Variants in MYRIP observed in about 807,000 individuals in gnomAD.
MYRIP encodes the protein myosin VIIA and Rab interacting protein, also known as rab effector MyRIP.
A neutral mutation model predicts 98.0 loss-of-function variants in MYRIP; 49 were observed. The observed-to-expected ratio is 0.50, with a 90% CI of 0.40 to 0.63. MYRIP has a LOEUF of 0.63. Among genes scored for constraint, MYRIP ranks in the 30% least tolerant of loss-of-function variants. The probability of loss-of-function intolerance (pLI) is 0.00; values close to 1 mark genes in which losing one functional copy is unlikely to be tolerated. For synonymous variants in MYRIP, 404 were observed against 409.5 expected, an observed-to-expected ratio of 0.99 and a Z score of 0.16; for missense variants, 1,004 against 1,058.2, an observed-to-expected ratio of 0.95 and a Z score of 0.71.
intron 4 of MYRIP, among the ~76,000 whole-genome samples, chr3:40,160,702 C>T (rs975076287): frequency 4.0e-4 from 61 of 152,316 alleles, no homozygotes; most frequent in African/African-American, 1.0e-3. Context: ...CCTAGTGCGC[C>T]ATTTTTTAAG....
rs375658652 is a variant in MYRIP at position 40,258,207 on chromosome 3, C to T, written c.*41C>T. The T allele has an allele frequency of 1.5e-5, 24 of 1,612,926 alleles. No homozygotes were observed. Among genetic ancestry groups the T allele is most frequent in the Middle Eastern group, 1.6e-4 (1 of 6,080 alleles). Reference sequence around the variant, plus strand: ...CTGCCAGTGACCCACTGCCTCCGGCCGTACACGACAGTGCCTTGACCCAAC... The same window carrying T: ...CTGCCAGTGACCCACTGCCTCCGGCTGTACACGACAGTGCCTTGACCCAAC... On this transcript the variant is annotated 3_prime_UTR_variant, in exon 17 of 17. Coordinates refer to ENST00000302541, the MANE Select transcript of MYRIP (RefSeq NM_015460.4).
chr3:40,192,079 C>A (rs1951227453), intron 10 of MYRIP, among the ~76,000 whole-genome samples: 1 of 151,038 alleles, frequency 6.6e-6, no homozygotes, highest in African/African-American at 2.4e-5. Context: ...TGCTGCACTT[C>A]CAGAGACATC....
chr3:40,018,677 C>T (rs1466705171), intron 2 of MYRIP, among the ~76,000 whole-genome samples: 2 of 152,168 alleles, frequency 1.3e-5, no homozygotes, highest in East Asian at 1.9e-4. Context: ...CAGCATTGGC[C>T]CTTGTCCCCT....
chr3:40,229,886 G>A (rs1309294890), intron 11 of MYRIP, among the ~76,000 whole-genome samples: 1 of 152,180 alleles, frequency 6.6e-6, no homozygotes, highest in Non-Finnish European at 1.5e-5. Flanking sequence ...TGGGTTAACA[G>A]CTCAAAGTTC....
intron 1 of MYRIP, among the ~76,000 whole-genome samples, chr3:39,815,503 C>T (rs1476864936): frequency 6.6e-6 from 1 of 151,988 alleles, no homozygotes; most frequent in African/African-American, 2.4e-5. Context: ...TGAATGGGAT[C>T]ATCTCTCCTC....
intron 2 of MYRIP, among the ~76,000 whole-genome samples, chr3:40,031,537 G>C (rs1158509349): frequency 3.3e-5 from 5 of 152,108 alleles, no homozygotes; most frequent in Non-Finnish European, 7.4e-5. Context: ...CCTGCTTAGA[G>C]TTTGGTCTTG....
At position 39,973,728 on chromosome 3, in the gene MYRIP, A is replaced by G. The variant is rs781397806; in HGVS notation, c.111-70322A>G. Among the ~76,000 whole-genome samples the G allele has an allele frequency of 5.4e-4, 83 of 152,338 alleles. 1 individual carries two copies. Among genetic ancestry groups the G allele is most frequent in the Non-Finnish European group, 9.8e-4 (67 of 68,026 alleles). The stretch of plus-strand genomic sequence containing the variant: ...TCAGACCGCAGTGCAATCAAACTAG[A>G]ACTCAGGATTAAGAAACTCATTCAA... On this transcript the variant is annotated intron_variant, in intron 2 of 16. Transcript: ENST00000302541.
chr3:39,827,011 C>G (rs1289926895), intron 1 of MYRIP, among the ~76,000 whole-genome samples: 17 of 152,254 alleles, frequency 1.1e-4, no homozygotes, highest in Non-Finnish European at 4.4e-5. Flanking sequence ...AAGGGAATAT[C>G]TTTTTTCACC....
In MYRIP at chr3:40,118,751, C is replaced by G. The variant is rs553427424; in HGVS notation, c.333-32297C>G. Among the ~76,000 whole-genome samples the G allele has an allele frequency of 7.2e-5, 11 of 151,998 alleles. No homozygotes were observed. The East Asian group carries it at 1.2e-3, about 16-fold the overall frequency. ...ATATCTCCTAATGCTATCCCTCCCC[C>G]CTCCTCCCGCCCCACAACAGGCCCT... On this transcript the variant is annotated intron_variant, in intron 3 of 16. Transcript: ENST00000302541.
At chr3:39,876,938 T>C (rs896370283) in intron 1 of MYRIP, among the ~76,000 whole-genome samples, 2 of 152,234 alleles carry the variant, frequency 1.3e-5, no homozygotes, top group African/African-American at 4.8e-5. Flanking sequence ...GCAGAGTGTT[T>C]TCCAACTTGG....
intron 9 of MYRIP, among the ~76,000 whole-genome samples, chr3:40,187,774 G>A (rs1482725123): frequency 6.6e-6 from 1 of 152,204 alleles, no homozygotes; most frequent in Non-Finnish European, 1.5e-5. Flanking sequence ...ACACATGGAA[G>A]AACGTGGAAT....
chr3:40,050,070 C>A (rs75795567), intron 3 of MYRIP, among the ~76,000 whole-genome samples: 4,726 of 152,262 alleles, frequency 0.031, 107 homozygotes, highest in Admixed American at 0.058. Context: ...CAAGGTGAAG[C>A]AGCAAGTGCT....
chr3:40,177,975 T>A (rs138130543), intron 8 of MYRIP, among the ~76,000 whole-genome samples: 180 of 152,316 alleles, frequency 1.2e-3, no homozygotes, highest in Non-Finnish European at 2.1e-3. Flanking sequence ...TTAAAGTACT[T>A]TTTGTCATTG....
At chr3:39,852,724 C>T (rs1324303367) in intron 1 of MYRIP, among the ~76,000 whole-genome samples, 1 of 152,032 alleles carries the variant, frequency 6.6e-6, no homozygotes, top group Non-Finnish European at 1.5e-5. Context: ...CTTCTCTCCT[C>T]TCCTCTCCTG....
chr3:39,897,818 G>T (rs1367735619), intron 1 of MYRIP, among the ~76,000 whole-genome samples: 1 of 136,516 alleles, frequency 7.3e-6, no homozygotes, highest in Non-Finnish European at 1.5e-5. Flanking sequence ...ACAAAAACAA[G>T]TCCTGATCTT....
Position 39,883,231 on chromosome 3 carries a change from C to T in MYRIP, c.-30-17556C>T, listed in dbSNP as rs190938911. On this transcript the variant is annotated intron_variant, in intron 1 of 16. Coordinates refer to ENST00000302541, the MANE Select transcript of MYRIP (RefSeq NM_015460.4). ...TGGGTTGAAATCTCAAAAAGTCTTACCTGTTAAGTAAGAGTGAACTGGATG... is the reference window on the plus strand; with the variant it reads ...TGGGTTGAAATCTCAAAAAGTCTTATCTGTTAAGTAAGAGTGAACTGGATG... 6.6e-5 allele frequency among the ~76,000 whole-genome samples: 10 copies of T among 152,246 alleles called. No individual in the cohort carries two copies. The East Asian group carries it at 1.9e-3, about 29-fold the overall frequency.
At chr3:40,108,174 T>TGAGAGAGAGAGAGAGAGAGAGAGA (rs72224557) in intron 3 of MYRIP, among the ~76,000 whole-genome samples, 1 of 138,304 alleles carries the variant, frequency 7.2e-6, no homozygotes, top group African/African-American at 2.7e-5. Context: ...GCAGTGTTTG[T>TGAGAGAGAGAGAGAGAGAGAGAGA]GAGAGAGAGA....
chr3:39,855,709 C>T (rs1310042763), intron 1 of MYRIP, among the ~76,000 whole-genome samples: 2 of 152,148 alleles, frequency 1.3e-5, no homozygotes, highest in African/African-American at 4.8e-5. Context: ...CAGACCTTGT[C>T]CCGGGTTGTG....
At chr3:39,990,772 C>T (rs1237405223) in intron 2 of MYRIP, among the ~76,000 whole-genome samples, 1 of 152,178 alleles carries the variant, frequency 6.6e-6, no homozygotes, top group Non-Finnish European at 1.5e-5. Flanking sequence ...CTCTAGTGGA[C>T]TCTGAATGCA....
Sources: gnomAD v4.1 joint callset for allele counts (sites outside exome capture counted in the v4.1 genomes callset) on GRCh38, gnomAD v4.1.1 for gene constraint, MANE v1.5 for transcripts, NCBI Gene and HGNC (gene_info 2026-07-23, HGNC 2026-07-21) for gene names.